Variants in ARID1A observed in about 807,000 individuals in gnomAD.
The protein encoded by ARID1A is AT-rich interactive domain-containing protein 1A.
ARID1A carries 20 observed loss-of-function variants against 212.6 expected under a neutral mutation model. The ratio of observed to expected loss-of-function variants is 0.09; its 90% CI spans 0.07 to 0.14. The LOEUF (loss-of-function observed/expected upper bound fraction) is 0.14, where lower values mean the gene tolerates loss of function less well. Ranked by LOEUF, ARID1A falls within the 10% of genes least tolerant of loss-of-function variation. The pLI is 1.00. For synonymous variants in ARID1A, 1,376 were observed against 1,222.1 expected (o/e 1.13, Z -2.63); for missense variants, 2,587 against 3,059.0 (o/e 0.85, Z 3.64).
rs2081009420 is a variant in ARID1A, at chr1:26,763,266, G to T, written c.2713G>T (p.Ala905Ser). Residue 905 changes from alanine (A) to serine (S), a missense_variant, in exon 8 of 20, where the codon GCC (alanine) becomes TCC (serine). Physicochemically the swap from Ala to Ser is moderately conservative, Grantham distance 99 (BLOSUM62 1). This residue lies in a region of ARID1A where 674 missense variants were observed against 813.4 expected (regional missense o/e 0.83). Transcript: ENST00000324856. ...AACTGCTGTCGCCATGCATGTTGCTGCCAACTCTATCCAAAACAGGTAAGG... is the reference window on the plus strand; with the variant it reads ...AACTGCTGTCGCCATGCATGTTGCTTCCAACTCTATCCAAAACAGGTAAGG... ...QETAVAMHVAANSIQNRPPGY... is the reference protein window; with the variant it reads ...QETAVAMHVASNSIQNRPPGY... The T allele has an allele frequency of 6.2e-7, 1 of 1,607,864 alleles. No homozygotes were observed.
chr1:26,696,192 C>A lies in ARID1A; in HGVS notation c.-212C>A. On this transcript the variant is annotated 5_prime_UTR_variant, in exon 1 of 20. Transcript: ENST00000324856. Reference sequence around the variant, plus strand: ...GCCGCCGGCGCCTCGGCCGCCGCCGCCGCCTCCTCCTCCTCCGCCGCCGCC... The same window carrying A: ...GCCGCCGGCGCCTCGGCCGCCGCCGACGCCTCCTCCTCCTCCGCCGCCGCC... The A allele has an allele frequency of 1.5e-6, 1 of 687,090 alleles. No homozygotes were observed. Among genetic ancestry groups the A allele is most frequent in the Non-Finnish European group, 1.9e-6 (1 of 515,254 alleles). 42.6% of individuals were successfully genotyped at this position (687,090 alleles called of 1,614,324 possible).
chr1:26,764,279 T>C (rs569661910), intron 8 of ARID1A: 2 of 151,914 alleles, frequency 1.3e-5, no homozygotes, highest in South Asian at 4.2e-4. Flanking sequence ...TTTTTTTTTT[T>C]TAAATAGAGA....
intron 8 of ARID1A, 125 bp from the exon 9 acceptor site, chr1:26,766,096 G>A: frequency 9.2e-7 from 1 of 1,084,114 alleles, no homozygotes; most frequent in African/African-American, 1.6e-5. Flanking sequence ...TCTAGTTTTG[G>A]GGACCCATAA....
chr1:26,700,041 T>C (rs1419646614), intron 1 of ARID1A, among the ~76,000 whole-genome samples: 1 of 152,186 alleles, frequency 6.6e-6, no homozygotes. Flanking sequence ...CTAATTAATT[T>C]CAGCTCAGTT....
chr1:26,778,952 T>A, intron 19 of ARID1A, 71 bp from the exon 20 acceptor site: 1 of 1,432,026 alleles, frequency 7.0e-7, no homozygotes, highest in African/African-American at 1.4e-5. Context: ...TGGGGAGGTC[T>A]CTCAAGTCAA....
intron 9 of ARID1A, 22 bp downstream of exon 9, chr1:26,766,388 T>C: frequency 6.2e-7 from 1 of 1,614,072 alleles, no homozygotes; most frequent in Non-Finnish European, 8.5e-7. Context: ...TCATTCTCAC[T>C]AGGGATTTCT....
intron 1 of ARID1A, among the ~76,000 whole-genome samples, chr1:26,715,612 A>G (rs2080495433): frequency 6.6e-6 from 1 of 152,242 alleles, no homozygotes; most frequent in African/African-American, 2.4e-5. Context: ...AGGATTTCCT[A>G]GACTTTGATG....
rs2124088140 is a variant in ARID1A at position 26,768,019 on chromosome 1, T to C, written c.3198+20T>C. The C allele has an allele frequency of 1.2e-6, 2 of 1,611,358 alleles. No individual in the cohort carries two copies. Among genetic ancestry groups the C allele is most frequent in the Non-Finnish European group, 1.7e-6 (2 of 1,178,042 alleles). On this transcript the variant is annotated intron_variant, in intron 11 of 19. Transcript: ENST00000324856. ...ACTCAGGTGAGTGGGCGCCTGACAC[T>C]TGACTGCCCCTGTGGTTTCCACAAA...
chr1:26,737,780 G>T (rs898096555), intron 4 of ARID1A, among the ~76,000 whole-genome samples: 2 of 151,408 alleles, frequency 1.3e-5, no homozygotes, highest in Non-Finnish European at 1.5e-5. Context: ...CAGGAGAATC[G>T]CTTGAACCTG....
chr1:26,735,251 G>T (rs2080718451), intron 4 of ARID1A, among the ~76,000 whole-genome samples: 1 of 150,924 alleles, frequency 6.6e-6, no homozygotes, highest in Non-Finnish European at 1.5e-5. Flanking sequence ...TCAGTCTCCC[G>T]AGTAGCTGGG....
chr1:26,776,145 G>C (rs997461444), intron 19 of ARID1A, among the ~76,000 whole-genome samples: 2 of 151,740 alleles, frequency 1.3e-5, no homozygotes, highest in African/African-American at 4.8e-5. Flanking sequence ...CTGAATCTGT[G>C]GTCAAATTTT....
intron 1 of ARID1A, among the ~76,000 whole-genome samples, chr1:26,724,203 C>G (rs559977243): frequency 5.9e-5 from 9 of 152,092 alleles, no homozygotes; most frequent in African/African-American, 2.2e-4. Context: ...TTACACTAGC[C>G]CCAACTAGTT....
rs760723895 is a variant in ARID1A, at chr1:26,781,459, G to GAA, written c.*714_*715dup. Reference sequence around the variant, plus strand: ...AATGTTTTTAGTTAAACGTTGAGGAGAAAAAAAAAAAAGGCTTTTCCCCCA... The same window carrying GAA: ...AATGTTTTTAGTTAAACGTTGAGGAGAAAAAAAAAAAAAAGGCTTTTCCCCCA... On this transcript the variant is annotated 3_prime_UTR_variant, in exon 20 of 20. Coordinates refer to ENST00000324856, the MANE Select transcript of ARID1A (RefSeq NM_006015.6). 6 of 201,744 alleles carry GAA rather than the reference G, an allele frequency of 3.0e-5. No individual in the cohort carries two copies. Among genetic ancestry groups the GAA allele is most frequent in the East Asian group, 1.4e-4 (2 of 13,898 alleles). The allele number at this position is 201,744 out of a possible 1,614,324, so 12.5% of individuals were successfully genotyped here.
intron 8 of ARID1A, chr1:26,764,576 AGTT>A (rs922667078): frequency 3.9e-5 from 6 of 152,202 alleles, no homozygotes; most frequent in African/African-American, 1.4e-4. Flanking sequence ...AATCTTACTG[AGTT>A]GTTGTTGATG....
At chr1:26,746,861 A>G (rs767533376) in intron 4 of ARID1A, among the ~76,000 whole-genome samples, 9 of 152,152 alleles carry the variant, frequency 5.9e-5, no homozygotes, top group Non-Finnish European at 8.8e-5. Flanking sequence ...GTAAAACCCT[A>G]TCTCTACTAA....
rs1382332074 is a variant in ARID1A, at chr1:26,781,115, C to T, written c.*359C>T. ...ATAAAATAAAAATGGCTTTCCCAGT[C>T]CTTGCATCAACGGGATGCCACATTT... is the stretch of plus-strand genomic sequence containing the variant. On this transcript the variant is annotated 3_prime_UTR_variant, in exon 20 of 20. Transcript: ENST00000324856. 3.8e-6 allele frequency: 1 copy of T among 264,546 alleles called. No homozygotes were observed. The highest frequency in any genetic ancestry group is 7.1e-6 in the Non-Finnish European group (1 of 140,094). The allele number at this position is 264,546 out of a possible 1,614,324, so 16.4% of individuals were successfully genotyped here.
At chr1:26,748,359 C>T (rs1361113824) in intron 4 of ARID1A, among the ~76,000 whole-genome samples, 1 of 152,172 alleles carries the variant, frequency 6.6e-6, no homozygotes, top group African/African-American at 2.4e-5. Context: ...TTTCCTCTCA[C>T]TCCCCTTTCC....
At chr1:26,703,374 C>T (rs1489023647) in intron 1 of ARID1A, among the ~76,000 whole-genome samples, 1 of 152,122 alleles carries the variant, frequency 6.6e-6, no homozygotes, top group African/African-American at 2.4e-5. Flanking sequence ...CTTTGGTAGC[C>T]TTGTGAGATG....
At chr1:26,756,913 A>G (rs1239222113) in intron 4 of ARID1A, among the ~76,000 whole-genome samples, 6 of 151,916 alleles carry the variant, frequency 3.9e-5, no homozygotes, top group African/African-American at 1.5e-4. Flanking sequence ...CGTGTTAGCC[A>G]GTATGGTCTC....
Sources: gnomAD v4.1 joint callset for allele counts (sites outside exome capture counted in the v4.1 genomes callset) on GRCh38, gnomAD v4.1.1 for gene constraint, gnomAD v4.1.1 regional missense constraint, MANE v1.5 for transcripts, NCBI Gene and HGNC (gene_info 2026-07-23, HGNC 2026-07-21) for gene names.